Variants in KCNH1 observed in about 807,000 individuals in gnomAD.
KCNH1 encodes voltage-gated delayed rectifier potassium channel KCNH1.
Under a neutral mutation model 69.2 loss-of-function variants are expected in KCNH1, and 27 were observed. The observed-to-expected ratio is 0.39, with a 90% CI of 0.29 to 0.54. The LOEUF is 0.54. Among genes scored for constraint, KCNH1 ranks in the 20% least tolerant of loss-of-function variants. The probability of loss-of-function intolerance (pLI) is 0.68; values close to 1 mark genes in which losing one functional copy is unlikely to be tolerated. For missense variants in KCNH1, 798 were observed against 1,261.6 expected (o/e 0.63, Z 5.57); for synonymous variants, 456 against 487.7 (o/e 0.93, Z 0.86).
At chr1:210,822,648 G>A (rs1209192369) in intron 7 of KCNH1, among the ~76,000 whole-genome samples, 2 of 152,066 alleles carry the variant, frequency 1.3e-5, no homozygotes, top group Non-Finnish European at 2.9e-5. Flanking sequence ...ACAAAATTAT[G>A]CTGCTGATTC....
intron 7 of KCNH1, among the ~76,000 whole-genome samples, chr1:210,843,257 A>G (rs1040699118): frequency 1.3e-5 from 2 of 152,176 alleles, no homozygotes; most frequent in Non-Finnish European, 2.9e-5. Flanking sequence ...CTTCTAGACC[A>G]CTGGACCATT....
intron 10 of KCNH1, among the ~76,000 whole-genome samples, chr1:210,694,875 C>T (rs1353265616): frequency 2.0e-5 from 3 of 152,190 alleles, no homozygotes; most frequent in Admixed American, 6.5e-5. Flanking sequence ...AGTTGGTCCA[C>T]ATTTAAAGAA....
At chr1:210,920,169 C>T in intron 6 of KCNH1, 100 bp from the exon 7 acceptor site, 1 of 996,260 alleles carries the variant, frequency 1.0e-6, no homozygotes, top group Non-Finnish European at 1.4e-6. Flanking sequence ...TAGTGTATTT[C>T]CATGAGATGC....
At chr1:210,876,290 C>A (rs1454574798) in intron 7 of KCNH1, among the ~76,000 whole-genome samples, 1 of 152,112 alleles carries the variant, frequency 6.6e-6, no homozygotes, top group Admixed American at 6.5e-5. Flanking sequence ...GATCAAAGAA[C>A]CCTGGAAACA....
At position 211,134,054 on chromosome 1, in the gene KCNH1, C is replaced by T. The variant is rs905947315; in HGVS notation, c.-109G>A. 2.1e-5 allele frequency: 19 copies of T among 919,774 alleles called. No individual in the cohort carries two copies. Among genetic ancestry groups the T allele is most frequent in the Non-Finnish European group, 2.7e-5 (16 of 594,766 alleles). 57.0% of individuals were successfully genotyped at this position (919,774 alleles called of 1,614,324 possible). A position where few individuals can be genotyped will look rare whatever the true frequency, so the allele number is the denominator to read the frequency against. The stretch of plus-strand genomic sequence containing the variant: ...TCCCGGCTCGAAGCGCCCCATGCGC[C>T]CGGCGGGGATCCGCAGGCAGGGCTG... On this transcript the variant is annotated 5_prime_UTR_variant, in exon 1 of 11. Coordinates refer to ENST00000271751, the MANE Select transcript of KCNH1 (RefSeq NM_172362.3). This position sits in a 1 kb window ranked among gnomAD's most constrained non-coding sequence, Gnocchi z 5.7.
intron 5 of KCNH1, among the ~76,000 whole-genome samples, chr1:211,068,778 A>T (rs772236441): frequency 2.0e-5 from 3 of 152,228 alleles, no homozygotes; most frequent in Non-Finnish European, 4.4e-5. Context: ...TGGTGAATAC[A>T]GAGAATCACA....
At chr1:211,004,222 C>G (rs983202016) in intron 6 of KCNH1, among the ~76,000 whole-genome samples, 1 of 152,080 alleles carries the variant, frequency 6.6e-6, no homozygotes, top group Non-Finnish European at 1.5e-5. Context: ...TGGTCACCAG[C>G]AGACTAAATA....
intron 5 of KCNH1, among the ~76,000 whole-genome samples, chr1:211,052,748 C>T (rs2102442195): frequency 6.6e-6 from 1 of 152,308 alleles, no homozygotes; most frequent in Non-Finnish European, 1.5e-5. Flanking sequence ...TTGGGTATGG[C>T]CTCAGCTCTA....
intron 10 of KCNH1, among the ~76,000 whole-genome samples, chr1:210,745,380 A>T (rs912574696): frequency 1.3e-5 from 2 of 152,140 alleles, no homozygotes; most frequent in Non-Finnish European, 2.9e-5. Flanking sequence ...GGATTCAACT[A>T]TTCTGCTCCA....
In KCNH1 at chr1:210,802,641, T is replaced by C. The variant is rs557284866; in HGVS notation, c.1662+1326A>G. ...ATTTCCAGTACCACCAAATTTTCAT[T>C]ACTCTATTGAAATGCACCTAGAATA... On this transcript the variant is annotated intron_variant, in intron 8 of 10. Coordinates refer to ENST00000271751, the MANE Select transcript of KCNH1 (RefSeq NM_172362.3). Among the ~76,000 whole-genome samples, 4 of 152,354 alleles carry C rather than the reference T, an allele frequency of 2.6e-5. No homozygotes were observed. The South Asian group carries it at 6.2e-4, about 24-fold the overall frequency.
chr1:210,769,841 C>T (rs562532248), intron 10 of KCNH1, among the ~76,000 whole-genome samples: 1 of 152,150 alleles, frequency 6.6e-6, no homozygotes, highest in East Asian at 1.9e-4. Flanking sequence ...TGGTTATTAA[C>T]CAAGGGCAAC....
intron 5 of KCNH1, among the ~76,000 whole-genome samples, chr1:211,064,656 A>G (rs1014567305): frequency 2.6e-5 from 4 of 152,202 alleles, no homozygotes; most frequent in African/African-American, 9.6e-5. Context: ...TCAAGCTAAA[A>G]GCCTTCTGCA....
At chr1:210,880,619 A>G (rs1461779673) in intron 7 of KCNH1, among the ~76,000 whole-genome samples, 2 of 152,124 alleles carry the variant, frequency 1.3e-5, no homozygotes, top group Non-Finnish European at 2.9e-5. Context: ...ATAAAATACA[A>G]CCATACAACT....
chr1:210,994,944 T>A (rs1190136810), intron 6 of KCNH1, among the ~76,000 whole-genome samples: 1 of 152,208 alleles, frequency 6.6e-6, no homozygotes, highest in Non-Finnish European at 1.5e-5. Flanking sequence ...TATGAGGAGT[T>A]CAAGAGTTGA....
At chr1:210,742,949 G>C (rs537870669) in intron 10 of KCNH1, among the ~76,000 whole-genome samples, 1 of 152,084 alleles carries the variant, frequency 6.6e-6, no homozygotes, top group Non-Finnish European at 1.5e-5. Flanking sequence ...ATTATTTATT[G>C]GTCCAAAAAA....
chr1:210,901,270 T>C (rs956181547), intron 7 of KCNH1, among the ~76,000 whole-genome samples: 2 of 152,142 alleles, frequency 1.3e-5, no homozygotes, highest in Admixed American at 1.3e-4. Flanking sequence ...AGCCAATTCA[T>C]CACCTGGTCT....
In KCNH1 at chr1:210,682,344, T is replaced by C. The variant is rs1428366851; in HGVS notation, c.*937A>G. On this transcript the variant is annotated 3_prime_UTR_variant, in exon 11 of 11. Coordinates refer to ENST00000271751, the MANE Select transcript of KCNH1 (RefSeq NM_172362.3). ...AGTTCTGAGGTTGTGTGTGTCTGTG[T>C]GTCTGCTTTGTTAATAAAGCAACTC... The C allele has an allele frequency of 6.6e-6, 1 of 152,276 alleles. No individual in the cohort carries two copies. Among genetic ancestry groups the C allele is most frequent in the Non-Finnish European group, 1.5e-5 (1 of 68,088 alleles). 9.4% of individuals were successfully genotyped at this position (152,276 alleles called of 1,614,324 possible).
At chr1:210,801,265 TC>T (rs1684420569) in intron 8 of KCNH1, among the ~76,000 whole-genome samples, 1 of 152,160 alleles carries the variant, frequency 6.6e-6, no homozygotes, top group African/African-American at 2.4e-5. Flanking sequence ...AACTGGGGTA[TC>T]CCAGCACTAC....
intron 10 of KCNH1, among the ~76,000 whole-genome samples, chr1:210,725,397 A>G (rs1475222618): frequency 1.3e-5 from 2 of 152,198 alleles, no homozygotes; most frequent in Non-Finnish European, 2.9e-5. Flanking sequence ...TACACCAGAC[A>G]AAAAACACCA....
Sources: allele counts gnomAD v4.1 joint callset (sites outside exome capture counted in the v4.1 genomes callset), GRCh38; gene constraint gnomAD v4.1.1; non-coding constraint Gnocchi (gnomAD v3.1); transcripts MANE v1.5; gene names NCBI Gene and HGNC (gene_info 2026-07-23, HGNC 2026-07-21).